AFAP1L2: variants seen among roughly 807,000 people sequenced by gnomAD.
AFAP1L2 encodes actin filament associated protein 1 like 2.
A neutral mutation model predicts 99.3 loss-of-function variants in AFAP1L2; 46 were observed. The observed-to-expected ratio is 0.46, with a 90% CI of 0.37 to 0.59. The LOEUF (loss-of-function observed/expected upper bound fraction) is 0.59. Ranked by LOEUF, AFAP1L2 falls within the 20% of genes least tolerant of loss-of-function variation. AFAP1L2 has a pLI of 0.00. For synonymous variants in AFAP1L2, 397 were observed against 419.1 expected (o/e 0.95, Z 0.64); for missense variants, 959 against 1,034.9 (o/e 0.93, Z 1.01).
At chr10:114,299,725 C>T (rs1339851516) in intron 15 of AFAP1L2, among the ~76,000 whole-genome samples, 13 of 152,194 alleles carry the variant, frequency 8.5e-5, no homozygotes, top group African/African-American at 3.1e-4. Context: ...GAGGCAGACC[C>T]GCTCTCAGTC....
At chr10:114,299,483 C>A in intron 15 of AFAP1L2, 68 bp from the exon 16 acceptor site, 1 of 1,586,642 alleles carries the variant, frequency 6.3e-7, no homozygotes. Context: ...CCAGTCTACT[C>A]CCCAGGCTCG....
intron 1 of AFAP1L2, among the ~76,000 whole-genome samples, chr10:114,366,746 T>A (rs953612548): frequency 6.6e-5 from 10 of 152,136 alleles, no homozygotes; most frequent in Admixed American, 6.5e-5. Context: ...GGCGGTCAGA[T>A]CATGAGGTCA....
In AFAP1L2 at chr10:114,345,218, C is replaced by T. The variant is rs965348094; in HGVS notation, c.17-4487G>A. ...TGTGTATCGGGGGAACATGGAGCAT[C>T]GAGGTGGGTGGGGGTGGGCCTCAAA... On this transcript the variant is annotated intron_variant, in intron 1 of 18. Coordinates refer to ENST00000304129, the MANE Select transcript of AFAP1L2 (RefSeq NM_001001936.3). Among the ~76,000 whole-genome samples the T allele has an allele frequency of 7.4e-5, 10 of 135,624 alleles. No homozygotes were observed. The East Asian group carries it at 1.2e-3, about 16-fold the overall frequency. The allele number at this position is 135,624 out of a possible 152,430, so 89.0% of individuals were successfully genotyped here.
rs1344948858 is a variant in AFAP1L2 at position 114,349,378 on chromosome 10, G to A, written c.17-8647C>T. Among the ~76,000 whole-genome samples, 11 of 124,702 alleles carry A rather than the reference G, an allele frequency of 8.8e-5. No individual in the cohort carries two copies. In the East Asian group the frequency reaches 1.7e-3, roughly 20 times the overall value. The allele number at this position is 124,702 out of a possible 152,430, so 81.8% of individuals were successfully genotyped here. ...AGCATGGGCAACAAGAGTGAAACTC[G>A]GTCTCAAAAAAAAAAAAAAAAAAAA... On this transcript the variant is annotated intron_variant, in intron 1 of 18. Transcript: ENST00000304129.
At chr10:114,323,968 G>A (rs747909070) in intron 4 of AFAP1L2, among the ~76,000 whole-genome samples, 11 of 152,148 alleles carry the variant, frequency 7.2e-5, no homozygotes, top group South Asian at 2.1e-4. Context: ...TCTTTGCGCC[G>A]AGCCTCAAAG....
chr10:114,404,548 C>T (rs1270331534), upstream of AFAP1L2: 48 of 1,435,324 alleles, frequency 3.3e-5, no homozygotes, highest in Non-Finnish European at 4.1e-5. Context: ...GGCCCCTCCC[C>T]GTGAGGTCAC....
downstream of AFAP1L2, chr10:114,290,332 C>T (rs551686432): frequency 4.3e-5 from 67 of 1,550,572 alleles, no homozygotes; most frequent in Non-Finnish European, 5.6e-5. Context: ...CTGCAAGTGT[C>T]GGGATGGCTG....
intron 5 of AFAP1L2, chr10:114,319,650 A>G (rs2044788600): frequency 7.0e-6 from 9 of 1,289,520 alleles, no homozygotes; most frequent in South Asian, 1.2e-5. Flanking sequence ...AGTGACCTGC[A>G]TAACATCCAG....
At chr10:114,299,217 G>C in intron 16 of AFAP1L2, 43 bp downstream of exon 16, 1 of 1,609,552 alleles carries the variant, frequency 6.2e-7, no homozygotes, top group Non-Finnish European at 8.5e-7. Flanking sequence ...AGCCTACACG[G>C]CCCTCTGAGC....
chr10:114,402,959 T>A (rs2058363898), intron 1 of AFAP1L2, among the ~76,000 whole-genome samples: 1 of 151,938 alleles, frequency 6.6e-6, no homozygotes, highest in Admixed American at 6.6e-5. Context: ...AGAGGGTCCC[T>A]CCCGAAGGGC....
At chr10:114,367,231 A>C (rs751800141) in intron 1 of AFAP1L2, among the ~76,000 whole-genome samples, 33 of 152,156 alleles carry the variant, frequency 2.2e-4, no homozygotes, top group Admixed American at 3.9e-4. Context: ...AAGAAGACAA[A>C]TAGCCCTTCT....
intron 2 of AFAP1L2, among the ~76,000 whole-genome samples, chr10:114,338,838 T>G (rs2048359372): frequency 6.6e-6 from 1 of 152,218 alleles, no homozygotes. Flanking sequence ...TATACAATTA[T>G]CAAAACTCAC....
chr10:114,391,201 A>C (rs1409295775), intron 1 of AFAP1L2, among the ~76,000 whole-genome samples: 1 of 151,882 alleles, frequency 6.6e-6, no homozygotes, highest in Non-Finnish European at 1.5e-5. Context: ...TTTCTCATTC[A>C]GTTCCTGTTT....
At chr10:114,289,138 C>G in the AFAP1L2 span, 1 of 1,613,940 alleles carries the variant, frequency 6.2e-7, no homozygotes, top group Non-Finnish European at 8.5e-7. Flanking sequence ...CAAACCCACC[C>G]GGGCTGCGAT....
chr10:114,393,094 G>A (rs1328163255), intron 1 of AFAP1L2, among the ~76,000 whole-genome samples: 1 of 152,124 alleles, frequency 6.6e-6, no homozygotes, highest in African/African-American at 2.4e-5. Context: ...AAGCAGGAAG[G>A]CCCCCAAGAT....
At chr10:114,327,566 C>T (rs2046569789) in intron 4 of AFAP1L2, among the ~76,000 whole-genome samples, 1 of 152,040 alleles carries the variant, frequency 6.6e-6, no homozygotes, top group Non-Finnish European at 1.5e-5. Flanking sequence ...GTCCAGAGGG[C>T]CGCAAATCTT....
At chr10:114,321,610 C>A (rs1330680533) in intron 5 of AFAP1L2, among the ~76,000 whole-genome samples, 1 of 152,166 alleles carries the variant, frequency 6.6e-6, no homozygotes, top group Non-Finnish European at 1.5e-5. Flanking sequence ...GGGCCCTAGC[C>A]TTTTATATCT....
chr10:114,400,606 G>GC (rs1406271955), intron 1 of AFAP1L2, among the ~76,000 whole-genome samples: 2 of 152,192 alleles, frequency 1.3e-5, no homozygotes, highest in Non-Finnish European at 2.9e-5. Flanking sequence ...GAGTATCGGG[G>GC]GGGCATCCCT....
intron 1 of AFAP1L2, among the ~76,000 whole-genome samples, chr10:114,345,153 C>A (rs1353482683): frequency 6.7e-6 from 1 of 148,740 alleles, no homozygotes. Flanking sequence ...AAAACTTGAG[C>A]CCTGAAAGTA....
Sources: gnomAD v4.1 joint callset for allele counts (sites outside exome capture counted in the v4.1 genomes callset) on GRCh38, gnomAD v4.1.1 for gene constraint, MANE v1.5 for transcripts, NCBI Gene and HGNC (gene_info 2026-07-23, HGNC 2026-07-21) for gene names.